Variants in SUPT3H observed in about 807,000 individuals in gnomAD.
The protein encoded by SUPT3H is SPT3 homolog, SAGA and STAGA complex component, also known as transcription initiation protein SPT3 homolog.
A neutral mutation model predicts 44.3 loss-of-function variants in SUPT3H; 44 were observed. The ratio of observed to expected loss-of-function variants is 0.99; its 90% CI spans 0.78 to 1.28. The LOEUF (loss-of-function observed/expected upper bound fraction) is 1.28. SUPT3H is among the 50% of genes most tolerant of loss of function. The pLI is 0.00. For missense variants in SUPT3H, 380 were observed against 387.1 expected (o/e 0.98, Z 0.15); for synonymous variants, 124 against 125.6 (o/e 0.99, Z 0.09).
chr6:45,137,644 A>T (rs1804526199), intron 2 of SUPT3H, among the ~76,000 whole-genome samples: 1 of 151,962 alleles, frequency 6.6e-6, no homozygotes, highest in African/African-American at 2.4e-5. Flanking sequence ...CCACAAAGAA[A>T]TAATAATAAT....
intron 3 of SUPT3H, among the ~76,000 whole-genome samples, chr6:45,091,415 C>G (rs1200304805): frequency 1.3e-5 from 2 of 151,954 alleles, no homozygotes; most frequent in Non-Finnish European, 2.9e-5. Context: ...CCACAGAATA[C>G]TCAGAATTAG....
At chr6:44,866,738 A>T (rs946324713) in intron 10 of SUPT3H, among the ~76,000 whole-genome samples, 1 of 152,164 alleles carries the variant, frequency 6.6e-6, no homozygotes, top group East Asian at 1.9e-4. Context: ...CTGACTATTC[A>T]TATTTATTAT....
At chr6:45,307,218 C>A (rs1426037358) in intron 2 of SUPT3H, among the ~76,000 whole-genome samples, 1 of 152,334 alleles carries the variant, frequency 6.6e-6, no homozygotes, top group East Asian at 1.9e-4. Context: ...CAAAAGGCAG[C>A]AGAAACCTCT....
intron 2 of SUPT3H, among the ~76,000 whole-genome samples, chr6:45,282,868 C>G (rs1211884760): frequency 6.6e-6 from 1 of 152,202 alleles, no homozygotes; most frequent in Admixed American, 6.5e-5. Context: ...GGAAGCCCAT[C>G]AGACTAACGG....
intron 10 of SUPT3H, among the ~76,000 whole-genome samples, chr6:44,901,806 C>G (rs1765113444): frequency 6.6e-6 from 1 of 152,254 alleles, no homozygotes; most frequent in Admixed American, 6.5e-5. Context: ...GGAAGCCCAT[C>G]AGACTAACAG....
intron 2 of SUPT3H, among the ~76,000 whole-genome samples, chr6:45,345,111 G>A (rs1562991117): frequency 6.6e-6 from 1 of 152,146 alleles, no homozygotes; most frequent in Non-Finnish European, 1.5e-5. Flanking sequence ...TCACATGGAT[G>A]TTTTGAGATT....
At chr6:45,025,570 G>A (rs1785842208) in intron 3 of SUPT3H, among the ~76,000 whole-genome samples, 1 of 152,146 alleles carries the variant, frequency 6.6e-6, no homozygotes, top group Non-Finnish European at 1.5e-5. Flanking sequence ...TTTCTCTAAA[G>A]TTCTAAAAGG....
chr6:45,009,746 G>T (rs1412864011), intron 5 of SUPT3H, among the ~76,000 whole-genome samples: 2 of 152,132 alleles, frequency 1.3e-5, no homozygotes, highest in Admixed American at 1.3e-4. Flanking sequence ...GTAAGCATGA[G>T]TCCTCTGACT....
rs536046837 is a variant in SUPT3H at position 44,972,062 on chromosome 6, C to T, written c.505-10234G>A. On this transcript the variant is annotated intron_variant, in intron 6 of 10. Transcript: ENST00000371459. ...GTGCTGGGATTACAGGCATGAGCCA[C>T]TGCGCCCAGCCAACATCCCCCAAAG... Among the ~76,000 whole-genome samples the T allele has an allele frequency of 7.2e-5, 11 of 152,062 alleles. No individual in the cohort carries two copies. In the East Asian group the frequency reaches 1.8e-3, roughly 24 times the overall value.
At chr6:44,907,937 A>AT (rs1462541620) in intron 10 of SUPT3H, among the ~76,000 whole-genome samples, 3 of 152,134 alleles carry the variant, frequency 2.0e-5, no homozygotes, top group African/African-American at 7.2e-5. Flanking sequence ...ATAAGTTTTG[A>AT]TGATGTGGCT....
At chr6:45,125,070 A>T (rs1802234421) in intron 2 of SUPT3H, among the ~76,000 whole-genome samples, 1 of 152,186 alleles carries the variant, frequency 6.6e-6, no homozygotes, top group Non-Finnish European at 1.5e-5. Flanking sequence ...TCTCCTCTAG[A>T]GCCTTCAGAG....
chr6:45,376,216 C>T (rs1796753506), intron 1 of SUPT3H, among the ~76,000 whole-genome samples: 1 of 152,152 alleles, frequency 6.6e-6, no homozygotes, highest in South Asian at 2.1e-4. Context: ...TACTAACAGA[C>T]CCATGGTCTG....
At position 45,175,723 on chromosome 6, in the gene SUPT3H, G is replaced by A. The variant is rs1811664523; in HGVS notation, c.102-69717C>T. On this transcript the variant is annotated intron_variant, in intron 2 of 10. Coordinates refer to ENST00000371459, the MANE Select transcript of SUPT3H (RefSeq NM_003599.4). Reference sequence around the variant, plus strand: ...GACTCAAGTGATATTAAAAAAAAATGGTAATTTTTAGGCTACGTATTATGG... The same window carrying A: ...GACTCAAGTGATATTAAAAAAAAATAGTAATTTTTAGGCTACGTATTATGG... Among the ~76,000 whole-genome samples the A allele has an allele frequency of 2.0e-5, 3 of 149,520 alleles. No homozygotes were observed. In the South Asian group the frequency reaches 6.4e-4, roughly 32 times the overall value.
chr6:45,263,950 C>T (rs139946091), intron 2 of SUPT3H, among the ~76,000 whole-genome samples: 180 of 152,134 alleles, frequency 1.2e-3, no homozygotes, highest in African/African-American at 4.0e-3. Flanking sequence ...ACTTAAACAT[C>T]GATTATGTAC....
intron 2 of SUPT3H, among the ~76,000 whole-genome samples, chr6:45,198,075 C>A (rs72857015): frequency 6.6e-6 from 1 of 151,246 alleles, no homozygotes; most frequent in Non-Finnish European, 1.5e-5. Flanking sequence ...GTCTGCTGAA[C>A]AAGATATTAT....
At chr6:44,944,058 A>G (rs1772889999) in intron 9 of SUPT3H, among the ~76,000 whole-genome samples, 1 of 152,120 alleles carries the variant, frequency 6.6e-6, no homozygotes, top group Non-Finnish European at 1.5e-5. Flanking sequence ...ATTAAAACGC[A>G]CTAGATTATT....
intron 1 of SUPT3H, among the ~76,000 whole-genome samples, chr6:45,376,864 T>C (rs73735398): frequency 0.012 from 1,817 of 152,282 alleles, 46 homozygotes; most frequent in African/African-American, 0.042. Flanking sequence ...CATACATATA[T>C]ACACATACAT....
chr6:45,093,707 C>A (rs1797430872), intron 3 of SUPT3H, among the ~76,000 whole-genome samples: 1 of 152,080 alleles, frequency 6.6e-6, no homozygotes, highest in African/African-American at 2.4e-5. Flanking sequence ...TTACTCTTCA[C>A]AGATATGTTT....
chr6:45,085,257 A>C (rs1377225372), intron 3 of SUPT3H, among the ~76,000 whole-genome samples: 1 of 152,204 alleles, frequency 6.6e-6, no homozygotes, highest in African/African-American at 2.4e-5. Flanking sequence ...ACAGGTTTAA[A>C]TATTTAATTA....
Sources: gnomAD v4.1 joint callset for allele counts (sites outside exome capture counted in the v4.1 genomes callset) on GRCh38, gnomAD v4.1.1 for gene constraint, MANE v1.5 for transcripts, NCBI Gene and HGNC (gene_info 2026-07-23, HGNC 2026-07-21) for gene names.